The following MYOM1 variants were observed in gnomAD, a reference collection of about 807,000 sequenced individuals.
MYOM1 encodes the protein myomesin 1, also known as myomesin-1.
Under a neutral mutation model 205.3 loss-of-function variants are expected in MYOM1, and 164 were observed. That is an observed-to-expected ratio of 0.80 (90% CI 0.70 to 0.91). The LOEUF (loss-of-function observed/expected upper bound fraction) is 0.91. MYOM1 is among the 40% of genes least tolerant of loss of function. The probability of loss-of-function intolerance (pLI) is 0.00; values close to 1 mark genes in which losing one functional copy is unlikely to be tolerated. For missense variants in MYOM1, 2,011 were observed against 2,127.3 expected, an observed-to-expected ratio of 0.95 and a Z score of 1.08; for synonymous variants, 772 against 789.4, an observed-to-expected ratio of 0.98 and a Z score of 0.37.
At position 3,102,587 on chromosome 18, in the gene MYOM1, A is replaced by C; in HGVS notation, c.3462T>G (p.Ile1154Met). ...TCTTATCACACTCGAAGTTCAATGA[A>C]ATGACTCCATCATCATCCACATTTA... ...VVVNVDDDGV[I>M]SLNFECDKMT... The change falls in exon 23 of 38, where the codon ATT becomes ATG. Residue 1154 changes from isoleucine (I) to methionine (M), a missense_variant. By Grantham distance (10) the Ile-to-Met change is conservative. Coordinates refer to ENST00000356443, the MANE Select transcript of MYOM1 (RefSeq NM_003803.4). The C allele has an allele frequency of 6.2e-7, 1 of 1,613,918 alleles. No homozygotes were observed. The highest frequency in any genetic ancestry group is 8.5e-7 in the Non-Finnish European group (1 of 1,179,820).
At chr18:3,103,388 A>T (rs981941588) in intron 22 of MYOM1, among the ~76,000 whole-genome samples, 1 of 152,202 alleles carries the variant, frequency 6.6e-6, no homozygotes, top group Non-Finnish European at 1.5e-5. Flanking sequence ...AAATTCAGTT[A>T]GTGTTTTGAG....
chr18:3,123,699 T>C (rs926559052), intron 19 of MYOM1, among the ~76,000 whole-genome samples: 2 of 151,566 alleles, frequency 1.3e-5, no homozygotes, highest in African/African-American at 4.8e-5. Flanking sequence ...TGGTAGAACT[T>C]GGGACCCTAA....
At chr18:3,177,445 C>CGTTATT (rs2080659748) in intron 5 of MYOM1, among the ~76,000 whole-genome samples, 1 of 139,262 alleles carries the variant, frequency 7.2e-6, no homozygotes, top group African/African-American at 2.7e-5. Context: ...GAAGCAATAT[C>CGTTATT]ATTATTATTA....
At position 3,086,089 on chromosome 18, in the gene MYOM1, C is replaced by A; in HGVS notation, c.4200G>T (p.Val1400=). 6.2e-7 allele frequency: 1 copy of A among 1,611,966 alleles called. No individual in the cohort carries two copies. The highest frequency in any genetic ancestry group is 8.5e-7 in the Non-Finnish European group (1 of 1,179,288). ...VWYKDEREIS[V]DEKHDFKDGI... Reference sequence around the variant, plus strand: ...CATCCTTAAAGTCATGCTTTTCATCCACTGATATCTCCCTCTCATCTTTGT... The same window carrying A: ...CATCCTTAAAGTCATGCTTTTCATCAACTGATATCTCCCTCTCATCTTTGT... Residue 1400 remains valine (V), a synonymous_variant, in exon 30 of 38, where the codon GTG becomes GTT. Coordinates refer to ENST00000356443, the MANE Select transcript of MYOM1 (RefSeq NM_003803.4).
intron 20 of MYOM1, among the ~76,000 whole-genome samples, chr18:3,116,966 C>T (rs543625294): frequency 3.9e-5 from 6 of 152,256 alleles, no homozygotes; most frequent in African/African-American, 1.4e-4. Flanking sequence ...AAGGGATCCT[C>T]TCACCTTAGC....
intron 34 of MYOM1, among the ~76,000 whole-genome samples, chr18:3,076,484 T>C (rs1449985635): frequency 1.3e-5 from 2 of 152,118 alleles, no homozygotes; most frequent in African/African-American, 2.4e-5. Context: ...GCCTCCTAGA[T>C]AGGCAGTTAA....
At chr18:3,139,831 T>G (rs1451211077) in intron 14 of MYOM1, among the ~76,000 whole-genome samples, 1 of 152,126 alleles carries the variant, frequency 6.6e-6, no homozygotes, top group Admixed American at 6.5e-5. Context: ...TCACAGGTAT[T>G]TAGGTCGAGG....
chr18:3,131,460 A>G lies in MYOM1; in HGVS notation c.2421T>C (p.Tyr807=), dbSNP rs897035716. ...CATTGACTGCTCTGACCCGGAAAAT[A>G]TAACTCTGACCAGTCACTAATCCAT... ...TCHGLVTGQS[Y]IFRVRAVNAA... Residue 807 remains tyrosine, a synonymous_variant, in exon 17 of 38, where the codon TAT becomes TAC. Transcript: ENST00000356443. 16 of 1,613,912 alleles carry G rather than the reference A, an allele frequency of 9.9e-6. No homozygotes were observed. The highest frequency in any genetic ancestry group is 2.2e-5 in the East Asian group (1 of 44,876).
At chr18:3,225,010 C>T in the MYOM1 span, among the ~76,000 whole-genome samples, 6 of 147,280 alleles carry the variant, frequency 4.1e-5, no homozygotes, top group South Asian at 4.3e-4. Context: ...TATTTTGAGA[C>T]GGAGTCTCGC....
At chr18:3,159,102 A>G (rs2080344130) in intron 10 of MYOM1, among the ~76,000 whole-genome samples, 2 of 152,248 alleles carry the variant, frequency 1.3e-5, no homozygotes, top group African/African-American at 2.4e-5. Context: ...AAAGAGAAGG[A>G]AAGAATACAT....
chr18:3,080,050 C>T (rs1170787498), intron 33 of MYOM1, among the ~76,000 whole-genome samples: 2 of 151,756 alleles, frequency 1.3e-5, no homozygotes, highest in African/African-American at 2.4e-5. Context: ...CAGATATAGA[C>T]GAACTAAGAG....
chr18:3,134,632 C>A lies in MYOM1; in HGVS notation c.2384+18G>T. 1 of 1,599,070 alleles carries A rather than the reference C, an allele frequency of 6.3e-7. No individual in the cohort carries two copies. The highest frequency in any genetic ancestry group is 8.5e-7 in the Non-Finnish European group (1 of 1,169,698). ...GCTCCAGAGGCCATTGCCCGCCCTG[C>A]ACACCCGACTGAGTTACCGTGAGCC... On this transcript the variant is annotated intron_variant, in intron 16 of 37. Transcript: ENST00000356443.
Position 3,079,171 on chromosome 18 carries a change from C to A in MYOM1, c.4648+8G>T, listed in dbSNP as rs777483540. ...GAGTAAATTTGAATCTGCAAAATAT[C>A]TGTTTACCTTGTCCAGAGAGATCCA... is the stretch of plus-strand genomic sequence containing the variant. On this transcript the variant is annotated splice_region_variant and intron_variant, in intron 34 of 37. Coordinates refer to ENST00000356443, the MANE Select transcript of MYOM1 (RefSeq NM_003803.4). 2 of 1,613,262 alleles carry A rather than the reference C, an allele frequency of 1.2e-6. No individual in the cohort carries two copies. Among genetic ancestry groups the A allele is most frequent in the South Asian group, 2.2e-5 (2 of 90,992 alleles).
intron 29 of MYOM1, among the ~76,000 whole-genome samples, chr18:3,088,764 T>C (rs2079185358): frequency 2.0e-5 from 3 of 152,192 alleles, no homozygotes; most frequent in Admixed American, 2.0e-4. Context: ...GTGGCACAGC[T>C]GGGGAATACC....
chr18:3,072,370 T>TTTTTTTTTTTTTG lies in MYOM1; in HGVS notation c.4709-482_4709-481insCAAAAAAAAAAAA, dbSNP rs768555182. Among the ~76,000 whole-genome samples the TTTTTTTTTTTTTG allele has an allele frequency of 1.0e-3, 121 of 115,994 alleles. 5 individuals are homozygous for TTTTTTTTTTTTTG. Among genetic ancestry groups the TTTTTTTTTTTTTG allele is most frequent in the East Asian group, 1.8e-3 (7 of 3,844 alleles). The allele number at this position is 115,994 out of a possible 152,430, so 76.1% of individuals were successfully genotyped here. A position where few individuals can be genotyped will look rare whatever the true frequency, so the allele number is the denominator to read the frequency against. ...CCCGGCTTTTTTTTTTTTTTTTTTTTTGAGGCAGAGTCTCGCTCTGTCACC... is the reference window on the plus strand; with the variant it reads ...CCCGGCTTTTTTTTTTTTTTTTTTTTTTTTTTTTTTTTGTGAGGCAGAGTCTCGCTCTGTCACC... On this transcript the variant is annotated intron_variant, in intron 36 of 37. Coordinates refer to ENST00000356443, the MANE Select transcript of MYOM1 (RefSeq NM_003803.4).
intron 2 of MYOM1, among the ~76,000 whole-genome samples, chr18:3,201,370 C>T (rs1272633173): frequency 6.6e-6 from 1 of 151,248 alleles, no homozygotes; most frequent in Non-Finnish European, 1.5e-5. Context: ...CACTGCACTC[C>T]AGCCCTGGCG....
upstream of MYOM1, among the ~76,000 whole-genome samples, chr18:3,222,554 A>G (rs1295344565): frequency 6.6e-6 from 1 of 152,228 alleles, no homozygotes; most frequent in Non-Finnish European, 1.5e-5. Context: ...TTCAGTAAAT[A>G]TTTAAATGTA....
chr18:3,122,261 C>T (rs112125541), intron 19 of MYOM1, among the ~76,000 whole-genome samples: 2 of 151,256 alleles, frequency 1.3e-5, no homozygotes, highest in African/African-American at 4.9e-5. Flanking sequence ...AATTTAACTC[C>T]GTGCTATTTT....
At chr18:3,081,053 C>T (rs1461896599) in intron 33 of MYOM1, among the ~76,000 whole-genome samples, 2 of 151,822 alleles carry the variant, frequency 1.3e-5, no homozygotes, top group African/African-American at 4.8e-5. Flanking sequence ...AATTGCTTGA[C>T]CCTGGAGGCA....
Sources: allele counts gnomAD v4.1 joint callset (sites outside exome capture counted in the v4.1 genomes callset), GRCh38; gene constraint gnomAD v4.1.1; transcripts MANE v1.5; gene names NCBI Gene and HGNC (gene_info 2026-07-23, HGNC 2026-07-21).